CADM2: variants seen among roughly 807,000 people sequenced by gnomAD.
CADM2 encodes cell adhesion molecule 2.
A neutral mutation model predicts 49.8 loss-of-function variants in CADM2; 12 were observed. The observed-to-expected ratio is 0.24, with a 90% confidence interval of 0.15 to 0.39. The LOEUF (loss-of-function observed/expected upper bound fraction) is 0.39, where lower values mean the gene tolerates loss of function less well. Among genes scored for constraint, CADM2 ranks in the 10% least tolerant of loss-of-function variants. CADM2 has a pLI of 1.00. For missense variants in CADM2, 378 were observed against 492.3 expected (o/e 0.77, Z 2.20); for synonymous variants, 214 against 175.4 (o/e 1.22, Z -1.74).
intron 2 of CADM2, among the ~76,000 whole-genome samples, chr3:85,764,246 A>G (rs762914775): frequency 1.3e-5 from 2 of 152,152 alleles, no homozygotes; most frequent in Non-Finnish European, 2.9e-5. Context: ...ATAACAGTAC[A>G]TGGTGATACA....
intron 6 of CADM2, among the ~76,000 whole-genome samples, chr3:85,933,977 A>G (rs893186739): frequency 6.6e-6 from 1 of 152,054 alleles, no homozygotes. Context: ...ATCTCCTCCA[A>G]AAAACATCCT....
In CADM2 at chr3:84,959,224, C is replaced by A. The variant is rs1399714163; in HGVS notation, c.-384C>A. On this transcript the variant is annotated 5_prime_UTR_variant, in exon 1 of 10. Coordinates refer to ENST00000383699, the MANE Select transcript of CADM2 (RefSeq NM_001167675.2). ...TCCGTGACCTACCCACTCCTTGCAGCCCTCGCCCGCACCTTCTCCAACACC... is the reference window on the plus strand; with the variant it reads ...TCCGTGACCTACCCACTCCTTGCAGACCTCGCCCGCACCTTCTCCAACACC... 8.8e-6 allele frequency: 3 copies of A among 340,124 alleles called. No individual in the cohort carries two copies. The highest frequency in any genetic ancestry group is 1.6e-5 in the Non-Finnish European group (3 of 182,470). The allele number at this position is 340,124 out of a possible 1,614,324, so 21.1% of individuals were successfully genotyped here. A position where few individuals can be genotyped will look rare whatever the true frequency, so the allele number is the denominator to read the frequency against.
intron 1 of CADM2, among the ~76,000 whole-genome samples, chr3:85,571,246 A>G (rs1161659078): frequency 6.6e-6 from 1 of 152,338 alleles, no homozygotes; most frequent in African/African-American, 2.4e-5. Context: ...AATTATCCAT[A>G]TGAATGTACT....
chr3:85,964,475 TGCACTATTAA>T (rs1725230121), intron 8 of CADM2, among the ~76,000 whole-genome samples: 1 of 151,794 alleles, frequency 6.6e-6, no homozygotes, highest in African/African-American at 2.4e-5. Context: ...ATTATTTAAG[TGCACTATTAA>T]GCATTATTAA....
At chr3:85,441,615 C>T (rs1243569973) in intron 1 of CADM2, among the ~76,000 whole-genome samples, 1 of 151,970 alleles carries the variant, frequency 6.6e-6, no homozygotes, top group African/African-American at 2.4e-5. Flanking sequence ...GATCCCAAAT[C>T]CCCCAAATAT....
intron 1 of CADM2, among the ~76,000 whole-genome samples, chr3:85,408,193 T>C (rs2035490826): frequency 6.6e-6 from 1 of 152,082 alleles, no homozygotes; most frequent in Non-Finnish European, 1.5e-5. Flanking sequence ...AGTTCAGCAA[T>C]ATTTTCTTCC....
chr3:86,002,308 C>G (rs935845977), intron 8 of CADM2, among the ~76,000 whole-genome samples: 1 of 152,108 alleles, frequency 6.6e-6, no homozygotes, highest in African/African-American at 2.4e-5. Context: ...TGTTACAGTT[C>G]TGAATTAACA....
intron 1 of CADM2, among the ~76,000 whole-genome samples, chr3:85,698,451 A>G (rs187138071): frequency 2.0e-3 from 305 of 152,266 alleles, no homozygotes; most frequent in African/African-American, 6.5e-3. Flanking sequence ...TAAAGAAAAG[A>G]GCTGTAATTG....
At chr3:85,229,486 GA>G (rs1419328463) in intron 1 of CADM2, among the ~76,000 whole-genome samples, 6 of 152,178 alleles carry the variant, frequency 3.9e-5, no homozygotes, top group Non-Finnish European at 8.8e-5. Context: ...GTCCCAGTGA[GA>G]TGAACCAGAT....
At chr3:85,155,788 A>T (rs2040091420) in intron 1 of CADM2, among the ~76,000 whole-genome samples, 1 of 152,146 alleles carries the variant, frequency 6.6e-6, no homozygotes, top group Admixed American at 6.6e-5. Flanking sequence ...TAAGAATCTC[A>T]CTCAAAACTG....
At chr3:85,445,687 AATTAAT>A (rs1165916489) in intron 1 of CADM2, among the ~76,000 whole-genome samples, 29 of 152,194 alleles carry the variant, frequency 1.9e-4, no homozygotes, top group Middle Eastern at 6.8e-3. Context: ...CATCTCAAGG[AATTAAT>A]AGTGGGAGGG....
intron 8 of CADM2, among the ~76,000 whole-genome samples, chr3:86,002,819 T>C (rs1730344355): frequency 6.6e-6 from 1 of 152,214 alleles, no homozygotes; most frequent in Admixed American, 6.5e-5. Flanking sequence ...TGAAATTTTA[T>C]GGATACCTCG....
intron 1 of CADM2, among the ~76,000 whole-genome samples, chr3:85,335,057 A>T (rs1262355870): frequency 1.3e-5 from 2 of 151,550 alleles, no homozygotes; most frequent in South Asian, 4.1e-4. Context: ...TATACTAAAA[A>T]AAAAGATACT....
chr3:85,289,573 C>A (rs1371246288), intron 1 of CADM2, among the ~76,000 whole-genome samples: 1 of 152,128 alleles, frequency 6.6e-6, no homozygotes, highest in Non-Finnish European at 1.5e-5. Context: ...AAGACATAGT[C>A]TAAATTGATT....
intron 3 of CADM2, among the ~76,000 whole-genome samples, chr3:85,852,784 C>T (rs1324176054): frequency 6.6e-6 from 1 of 151,996 alleles, no homozygotes; most frequent in African/African-American, 2.4e-5. Flanking sequence ...AGAACCTATA[C>T]ACTTTGAATT....
intron 1 of CADM2, among the ~76,000 whole-genome samples, chr3:85,211,089 G>A (rs1458495907): frequency 6.6e-6 from 1 of 152,064 alleles, no homozygotes; most frequent in Non-Finnish European, 1.5e-5. Context: ...ATCACTCATA[G>A]TAGTCAAAAA....
intron 1 of CADM2, among the ~76,000 whole-genome samples, chr3:85,657,316 A>G (rs559560440): frequency 6.6e-6 from 1 of 152,238 alleles, no homozygotes; most frequent in African/African-American, 2.4e-5. Flanking sequence ...AATAATATTC[A>G]TGTTGTAGAG....
At chr3:85,771,721 T>C (rs2107954616) in intron 2 of CADM2, among the ~76,000 whole-genome samples, 1 of 152,196 alleles carries the variant, frequency 6.6e-6, no homozygotes, top group Middle Eastern at 3.4e-3. Flanking sequence ...GTCAGACATT[T>C]ATGACACATT....
At chr3:85,343,788 C>T (rs1440336190) in intron 1 of CADM2, among the ~76,000 whole-genome samples, 1 of 152,118 alleles carries the variant, frequency 6.6e-6, no homozygotes, top group Non-Finnish European at 1.5e-5. Context: ...AGGCTGGAGC[C>T]GAACTTTCAC....
Sources: gnomAD v4.1 joint callset for allele counts (sites outside exome capture counted in the v4.1 genomes callset) on GRCh38, gnomAD v4.1.1 for gene constraint, MANE v1.5 for transcripts, NCBI Gene and HGNC (gene_info 2026-07-23, HGNC 2026-07-21) for gene names.